IQCM: variants seen among roughly 807,000 people sequenced by gnomAD.
IQCM encodes IQ domain-containing protein M.
In IQCM, 45 loss-of-function variants were observed where a neutral mutation model predicts 57.6. The ratio of observed to expected loss-of-function variants is 0.78; its 90% CI spans 0.62 to 1.00. IQCM has a LOEUF of 1.00. IQCM is among the 50% of genes least tolerant of loss of function. The probability of loss-of-function intolerance (pLI) is 0.00; values close to 1 mark genes in which losing one functional copy is unlikely to be tolerated. For missense variants in IQCM, 468 were observed against 511.6 expected, an observed-to-expected ratio of 0.91 and a Z score of 0.82; for synonymous variants, 148 against 158.9, an observed-to-expected ratio of 0.93 and a Z score of 0.51.
intron 12 of IQCM, among the ~76,000 whole-genome samples, chr4:149,488,676 G>A (rs1171289012): frequency 1.3e-5 from 2 of 152,046 alleles, no homozygotes; most frequent in Non-Finnish European, 2.9e-5. Flanking sequence ...GACCCAAAAA[G>A]GCTCTATTGG....
At chr4:149,697,766 A>G (rs1333433756) in intron 5 of IQCM, among the ~76,000 whole-genome samples, 2 of 152,080 alleles carry the variant, frequency 1.3e-5, no homozygotes, top group Non-Finnish European at 2.9e-5. Context: ...CATTTTGCCT[A>G]TCTACTGCCA....
At chr4:149,484,267 GT>G (rs1447132713) in intron 12 of IQCM, among the ~76,000 whole-genome samples, 2 of 151,830 alleles carry the variant, frequency 1.3e-5, no homozygotes, top group Non-Finnish European at 2.9e-5. Flanking sequence ...GCCGCTTTAT[GT>G]CTTTTGATTG....
At chr4:149,791,044 G>A (rs1418316020) in intron 2 of IQCM, among the ~76,000 whole-genome samples, 1 of 152,072 alleles carries the variant, frequency 6.6e-6, no homozygotes, top group Non-Finnish European at 1.5e-5. Flanking sequence ...TCATTTTAGA[G>A]CAAAGTTTAT....
chr4:149,797,833 T>TA (rs1195281711), intron 2 of IQCM, among the ~76,000 whole-genome samples: 9 of 151,292 alleles, frequency 5.9e-5, no homozygotes, highest in African/African-American at 1.7e-4. Context: ...CATACTATGA[T>TA]AAAAAATATC....
chr4:149,680,411 A>G (rs971237382), intron 7 of IQCM, among the ~76,000 whole-genome samples: 83 of 151,468 alleles, frequency 5.5e-4, no homozygotes, highest in African/African-American at 1.9e-3. Flanking sequence ...CAGTTTTTAA[A>G]AAGAACTGTA....
chr4:149,641,072 G>T (rs1243133734), intron 7 of IQCM, among the ~76,000 whole-genome samples: 2 of 152,164 alleles, frequency 1.3e-5, no homozygotes, highest in Non-Finnish European at 2.9e-5. Flanking sequence ...AGAGGTTGCA[G>T]TGAGCTATCA....
In IQCM at chr4:149,563,831, G is replaced by A. The variant is rs1386736865; in HGVS notation, c.809C>T (p.Pro270Leu). The A allele has an allele frequency of 1.6e-6, 2 of 1,231,110 alleles. No homozygotes were observed. Among genetic ancestry groups the A allele is most frequent in the Non-Finnish European group, 2.0e-6 (2 of 987,466 alleles). 76.3% of individuals were successfully genotyped at this position (1,231,110 alleles called of 1,614,324 possible). ...GAACACTTGGAAGATTTCTATGTGT[G>A]GTCCAATTCTTTTAACTTTACTGTC... ...KLDSKVKRIG[P>L]HIEIFQVFRE... The change falls in exon 10 of 14, where the codon CCA (proline) becomes CTA (leucine). Residue 270 changes from proline (P) to leucine (L), a missense_variant. Pro to Leu is a moderately conservative substitution (Grantham distance 98, BLOSUM62 -3). Transcript: ENST00000636793.
At chr4:149,449,796 G>C (rs578012803) in intron 12 of IQCM, among the ~76,000 whole-genome samples, 1 of 151,780 alleles carries the variant, frequency 6.6e-6, no homozygotes, top group Admixed American at 6.6e-5. Context: ...GAAATCTACA[G>C]ATTTCAATGC....
At chr4:149,695,377 C>T (rs939387734) in intron 5 of IQCM, among the ~76,000 whole-genome samples, 81 of 152,206 alleles carry the variant, frequency 5.3e-4, no homozygotes, top group African/African-American at 1.9e-3. Context: ...CGCTATGAAA[C>T]TTTATTTTCA....
At chr4:149,654,511 A>G (rs1337039954) in intron 7 of IQCM, among the ~76,000 whole-genome samples, 1 of 152,180 alleles carries the variant, frequency 6.6e-6, no homozygotes, top group Non-Finnish European at 1.5e-5. Flanking sequence ...CGCCATGAGT[A>G]AAAGCTTCCT....
At chr4:149,534,830 C>T (rs1305898456) in intron 12 of IQCM, among the ~76,000 whole-genome samples, 1 of 152,062 alleles carries the variant, frequency 6.6e-6, no homozygotes, top group Non-Finnish European at 1.5e-5. Context: ...ATGGACCAAT[C>T]ATGGCTCTAG....
At chr4:149,744,004 T>G (rs1767696317) in intron 2 of IQCM, among the ~76,000 whole-genome samples, 1 of 152,166 alleles carries the variant, frequency 6.6e-6, no homozygotes, top group African/African-American at 2.4e-5. Context: ...GAGTTCAGAA[T>G]TCAAAACCTA....
intron 5 of IQCM, among the ~76,000 whole-genome samples, chr4:149,732,255 C>T (rs529235032): frequency 6.6e-6 from 1 of 152,296 alleles, no homozygotes; most frequent in East Asian, 1.9e-4. Context: ...CACATCTCTC[C>T]CTTCCCAAAA....
intron 12 of IQCM, among the ~76,000 whole-genome samples, chr4:149,447,128 T>C (rs1736598879): frequency 6.6e-6 from 1 of 151,482 alleles, no homozygotes. Context: ...GATGTAGTGA[T>C]ATGAGAGAAA....
chr4:149,397,874 T>C (rs1289146266), intron 13 of IQCM, among the ~76,000 whole-genome samples: 1 of 152,028 alleles, frequency 6.6e-6, no homozygotes, highest in Admixed American at 6.6e-5. Flanking sequence ...ATTTCATAGG[T>C]TGCCTTTTCA....
chr4:149,558,891 C>T (rs538876933), intron 10 of IQCM, among the ~76,000 whole-genome samples: 1 of 152,188 alleles, frequency 6.6e-6, no homozygotes, highest in African/African-American at 2.4e-5. Context: ...CCAGACATCT[C>T]AAGGATTTCC....
At chr4:149,469,308 C>T (rs1042682638) in intron 12 of IQCM, among the ~76,000 whole-genome samples, 1 of 152,128 alleles carries the variant, frequency 6.6e-6, no homozygotes, top group Non-Finnish European at 1.5e-5. Context: ...AACCATGGCA[C>T]AAGAACTACG....
Position 149,615,089 on chromosome 4 carries a change from G to C in IQCM, c.681+6040C>G, listed in dbSNP as rs1202667584. 2.0e-5 allele frequency among the ~76,000 whole-genome samples: 3 copies of C among 151,988 alleles called. No individual in the cohort carries two copies. The East Asian group carries it at 5.8e-4, about 29-fold the overall frequency. Reference sequence around the variant, plus strand: ...TAAGAACACTATAGATAAGTGCATTGATTGTCACGTCTCAGAATTTTGATA... The same window carrying C: ...TAAGAACACTATAGATAAGTGCATTCATTGTCACGTCTCAGAATTTTGATA... On this transcript the variant is annotated intron_variant, in intron 8 of 13. Transcript: ENST00000636793.
At chr4:149,529,707 A>C (rs1746539932) in intron 12 of IQCM, among the ~76,000 whole-genome samples, 3 of 152,126 alleles carry the variant, frequency 2.0e-5, no homozygotes, top group Admixed American at 2.0e-4. Flanking sequence ...CATTCTCATC[A>C]TACCCTGTAA....
Sources: allele counts gnomAD v4.1 joint callset (sites outside exome capture counted in the v4.1 genomes callset), GRCh38; gene constraint gnomAD v4.1.1; transcripts MANE v1.5; gene names NCBI Gene and HGNC (gene_info 2026-07-23, HGNC 2026-07-21).